The following LY96 variants were observed in gnomAD, a reference collection of about 807,000 sequenced individuals.
LY96 encodes myeloid differentiation protein-2.
A neutral mutation model predicts 18.9 loss-of-function variants in LY96; 18 were observed. The ratio of observed to expected loss-of-function variants is 0.95; its 90% CI spans 0.66 to 1.41. The LOEUF (loss-of-function observed/expected upper bound fraction) is 1.41. LY96 is among the 40% of genes most tolerant of loss of function. The pLI is 0.00. For missense variants in LY96, 175 were observed against 182.4 expected (o/e 0.96, Z 0.23); for synonymous variants, 66 against 62.6 (o/e 1.06, Z -0.26).
chr8:74,022,924 A>T (rs557953887), intron 3 of LY96, among the ~76,000 whole-genome samples: 9 of 151,952 alleles, frequency 5.9e-5, no homozygotes, highest in Non-Finnish European at 7.4e-5. Context: ...AGTCTCATCC[A>T]TCTTCCTCCC....
At position 73,998,975 on chromosome 8, in the gene LY96, AT is replaced by A. The variant is rs35692787; in HGVS notation, c.113-5808del. Among the ~76,000 whole-genome samples the A allele has an allele frequency of 6.9e-3, 1,007 of 146,742 alleles. 9 individuals carry two copies. The highest frequency in any genetic ancestry group is 0.021 in the African/African-American group (846 of 40,140). ...TTTCTTTTCCAGATAGCTTGTTATA[AT>A]TTTTTTTTTTTTGAGGCCAAGTCTT... On this transcript the variant is annotated intron_variant, in intron 1 of 4. Transcript: ENST00000284818.
chr8:74,011,027 C>T (rs149531498), intron 3 of LY96, among the ~76,000 whole-genome samples: 2 of 152,216 alleles, frequency 1.3e-5, no homozygotes, highest in South Asian at 2.1e-4. Flanking sequence ...CTCAAATCAG[C>T]TTGTCTACTT....
chr8:74,017,976 G>A (rs1386947995), intron 3 of LY96, among the ~76,000 whole-genome samples: 1 of 152,138 alleles, frequency 6.6e-6, no homozygotes, highest in Admixed American at 6.6e-5. Context: ...ATTGATGCTA[G>A]GAAGAAACTG....
chr8:74,017,017 G>A lies in LY96; in HGVS notation c.331+6888G>A, dbSNP rs552047984. Among the ~76,000 whole-genome samples the A allele has an allele frequency of 5.3e-5, 8 of 152,276 alleles. No individual in the cohort carries two copies. The South Asian group carries it at 6.2e-4, about 12-fold the overall frequency. Reference sequence around the variant, plus strand: ...CTTCTCCAAAGGATCGCAGCTCCTCGCCAGCAACGGAACAAAGCTGGATGG... The same window carrying A: ...CTTCTCCAAAGGATCGCAGCTCCTCACCAGCAACGGAACAAAGCTGGATGG... On this transcript the variant is annotated intron_variant, in intron 3 of 4. Coordinates refer to ENST00000284818, the MANE Select transcript of LY96 (RefSeq NM_015364.5).
the LY96 span, among the ~76,000 whole-genome samples, chr8:74,054,658 T>TTCTC: frequency 1.8e-4 from 26 of 141,974 alleles, 1 homozygote; most frequent in Non-Finnish European, 3.3e-4. Flanking sequence ...CTTTCTTTCT[T>TTCTC]TCTTTCTTTC....
chr8:74,033,584 C>A (rs1226925494), downstream of LY96, among the ~76,000 whole-genome samples: 1 of 152,190 alleles, frequency 6.6e-6, no homozygotes, highest in Non-Finnish European at 1.5e-5. Context: ...ATAGAAGCTG[C>A]TAGATTCTGC....
downstream of LY96, among the ~76,000 whole-genome samples, chr8:74,032,783 A>G (rs985651061): frequency 2.0e-5 from 3 of 152,204 alleles, no homozygotes; most frequent in Admixed American, 1.3e-4. Flanking sequence ...GATTGGGTTG[A>G]TGCAGGACCC....
chr8:74,071,839 G>A, the LY96 span, among the ~76,000 whole-genome samples: 1 of 152,152 alleles, frequency 6.6e-6, no homozygotes, highest in South Asian at 2.1e-4. Flanking sequence ...CACATTGTGT[G>A]TAGTGGTGGT....
chr8:74,075,311 A>C, the LY96 span, among the ~76,000 whole-genome samples: 10,823 of 152,258 alleles, frequency 0.071, 1,049 homozygotes, highest in African/African-American at 0.21. Context: ...TGCTCTAATG[A>C]CCAGGCTGGA....
the LY96 span, among the ~76,000 whole-genome samples, chr8:74,036,250 G>A: frequency 6.6e-6 from 1 of 152,184 alleles, no homozygotes; most frequent in Non-Finnish European, 1.5e-5. Flanking sequence ...ATTAATGAAA[G>A]TCCACAAGAT....
chr8:74,095,535 G>A, the LY96 span, among the ~76,000 whole-genome samples: 1 of 152,142 alleles, frequency 6.6e-6, no homozygotes. Flanking sequence ...AGGTCACCAT[G>A]GCTTCAGCCT....
At chr8:74,054,617 C>CTTTCT in the LY96 span, among the ~76,000 whole-genome samples, 151 of 70,174 alleles carry the variant, frequency 2.2e-3, no homozygotes, top group African/African-American at 7.3e-3. Context: ...TTTCCTTTTC[C>CTTTCT]TTCTTTCTTT....
At chr8:74,021,223 A>G (rs1207441429) in intron 3 of LY96, among the ~76,000 whole-genome samples, 2 of 152,248 alleles carry the variant, frequency 1.3e-5, no homozygotes, top group African/African-American at 2.4e-5. Context: ...CAAATTTACA[A>G]GAAAAAATCA....
the LY96 span, among the ~76,000 whole-genome samples, chr8:74,083,771 A>T: frequency 6.6e-6 from 1 of 152,084 alleles, no homozygotes; most frequent in Non-Finnish European, 1.5e-5. Flanking sequence ...TGCTCACTGC[A>T]GCCTTGACCT....
the LY96 span, among the ~76,000 whole-genome samples, chr8:74,034,515 G>T: frequency 6.6e-6 from 1 of 152,142 alleles, no homozygotes; most frequent in Non-Finnish European, 1.5e-5. Context: ...ATTCTCTAAA[G>T]AGTGCCAGGT....
At chr8:74,054,676 T>TTTCTTTCTTTCTTTCTTTCTTTC in the LY96 span, among the ~76,000 whole-genome samples, 1 of 65,296 alleles carries the variant, frequency 1.5e-5, no homozygotes, top group Non-Finnish European at 3.3e-5. Flanking sequence ...TTCTTTCTTT[T>TTTCTTTCTTTCTTTCTTTCTTTC]TATTTGAGAT....
At chr8:74,024,358 T>C (rs1816826240) in intron 3 of LY96, among the ~76,000 whole-genome samples, 1 of 150,316 alleles carries the variant, frequency 6.7e-6, no homozygotes, top group Non-Finnish European at 1.5e-5. Context: ...ATATAATATA[T>C]ACATATATGA....
intron 3 of LY96, among the ~76,000 whole-genome samples, chr8:74,011,858 C>CAAA (rs570734407): frequency 4.6e-5 from 3 of 65,406 alleles, no homozygotes; most frequent in African/African-American, 9.5e-5. Context: ...GACTCCATCT[C>CAAA]AAAAAAAAAA....
At chr8:73,996,365 C>A (rs78440830) in intron 1 of LY96, among the ~76,000 whole-genome samples, 42,683 of 119,300 alleles carry the variant, frequency 0.36, 7,352 homozygotes, top group Admixed American at 0.41. Flanking sequence ...TCCTTCCTTC[C>A]TTCATTCCTT....
Sources: gnomAD v4.1 joint callset for allele counts (sites outside exome capture counted in the v4.1 genomes callset) on GRCh38, gnomAD v4.1.1 for gene constraint, MANE v1.5 for transcripts, NCBI Gene and HGNC (gene_info 2026-07-23, HGNC 2026-07-21) for gene names.